Variants in NIM1K observed in about 807,000 individuals in gnomAD.
NIM1K encodes serine/threonine-protein kinase NIM1.
Under a neutral mutation model 37.1 loss-of-function variants are expected in NIM1K, and 35 were observed. That is an observed-to-expected ratio of 0.94 (90% CI 0.72 to 1.25). NIM1K has a LOEUF of 1.25. Among genes scored for constraint, NIM1K ranks in the 50% most tolerant of loss-of-function variants. The pLI is 0.00. For missense variants in NIM1K, 564 were observed against 548.0 expected (o/e 1.03, Z -0.29); for synonymous variants, 234 against 206.6 (o/e 1.13, Z -1.14).
chr5:43,232,668 C>T (rs923628664), intron 1 of NIM1K: 10 of 1,531,578 alleles, frequency 6.5e-6, no homozygotes, highest in African/African-American at 1.4e-5. Flanking sequence ...AAATGGAGAA[C>T]TGCAGCTTGG....
At chr5:43,236,837 G>A (rs1191348272) in intron 1 of NIM1K, among the ~76,000 whole-genome samples, 1 of 152,214 alleles carries the variant, frequency 6.6e-6, no homozygotes. Flanking sequence ...GTAGGGGAGA[G>A]GTGGTGTCAC....
rs535310749 is a variant in NIM1K at position 43,212,966 on chromosome 5, G to T, written c.-695+20555G>T. Among the ~76,000 whole-genome samples the T allele has an allele frequency of 1.8e-4, 28 of 152,266 alleles. 1 individual carries two copies. Among genetic ancestry groups the T allele is most frequent in the African/African-American group, 6.7e-4 (28 of 41,550 alleles). ...TCTGTGTTCGCCCAGGTGCAGAGTA[G>T]AATATGGGCTCCCATATGTGCCATT... On this transcript the variant is annotated intron_variant, in intron 1 of 3. Transcript: ENST00000326035.
chr5:43,231,023 A>G (rs1752531290), intron 1 of NIM1K, among the ~76,000 whole-genome samples: 2 of 152,232 alleles, frequency 1.3e-5, no homozygotes, highest in Non-Finnish European at 2.9e-5. Flanking sequence ...ATCAAAAAAT[A>G]TATTATTTTC....
intron 1 of NIM1K, among the ~76,000 whole-genome samples, chr5:43,197,900 AACTTGTAC>A (rs2112193162): frequency 6.6e-6 from 1 of 152,310 alleles, no homozygotes; most frequent in South Asian, 2.1e-4. Context: ...TCCTGGGGGT[AACTTGTAC>A]ACTTAAACAT....
intron 1 of NIM1K, chr5:43,231,882 TC>T (rs78014759): frequency 0.3 from 339,956 of 1,147,050 alleles, 53,520 homozygotes; most frequent in East Asian, 0.65. Context: ...ATAATCCTTC[TC>T]AAGGGCAGTC....
intron 1 of NIM1K, among the ~76,000 whole-genome samples, chr5:43,240,775 G>A (rs1267109416): frequency 4.6e-5 from 7 of 151,246 alleles, no homozygotes; most frequent in African/African-American, 1.7e-4. Context: ...GACCTCAAAT[G>A]ATCCACCCAC....
intron 2 of NIM1K, among the ~76,000 whole-genome samples, chr5:43,255,093 A>G (rs748372413): frequency 2.4e-4 from 36 of 152,190 alleles, no homozygotes; most frequent in Admixed American, 5.9e-4. Flanking sequence ...TGATATAGGA[A>G]TGGTCAGGTA....
chr5:43,275,003 C>T (rs1310896024), intron 2 of NIM1K, among the ~76,000 whole-genome samples: 1 of 152,184 alleles, frequency 6.6e-6, no homozygotes, highest in East Asian at 1.9e-4. Flanking sequence ...TGATGTTTCA[C>T]TTTGGAGTCA....
chr5:43,198,222 TTTCTTTCTTTC>T (rs1355276901), intron 1 of NIM1K, among the ~76,000 whole-genome samples: 1 of 123,716 alleles, frequency 8.1e-6, no homozygotes, highest in African/African-American at 3.0e-5. Flanking sequence ...TCTTTCTTTC[TTTCTTTCTTTC>T]TTTCTTTCTT....
Position 43,226,018 on chromosome 5 carries a change from C to T in NIM1K, c.-694-19064C>T, listed in dbSNP as rs553070769. Among the ~76,000 whole-genome samples, 9 of 152,254 alleles carry T rather than the reference C, an allele frequency of 5.9e-5. No individual in the cohort carries two copies. The Middle Eastern group carries it at 0.017, about 288-fold the overall frequency. ...TGAAAGAAGTATCACTGAAATGAGT[C>T]TTAAAGGAGCAGTAGGAATTTGCAG... On this transcript the variant is annotated intron_variant, in intron 1 of 3. Coordinates refer to ENST00000326035, the MANE Select transcript of NIM1K (RefSeq NM_153361.4).
chr5:43,209,502 C>A (rs1377074411), intron 1 of NIM1K, among the ~76,000 whole-genome samples: 1 of 151,516 alleles, frequency 6.6e-6, no homozygotes, highest in Admixed American at 6.6e-5. Context: ...CTTCATAGAA[C>A]AGTTGTTTGT....
intron 1 of NIM1K, among the ~76,000 whole-genome samples, chr5:43,240,767 C>T (rs1752688719): frequency 6.6e-6 from 1 of 151,772 alleles, no homozygotes; most frequent in African/African-American, 2.4e-5. Flanking sequence ...GAACTCCTGA[C>T]CTCAAATGAT....
intron 1 of NIM1K, among the ~76,000 whole-genome samples, chr5:43,223,850 G>A (rs944589628): frequency 3.3e-5 from 5 of 152,122 alleles, no homozygotes; most frequent in African/African-American, 1.2e-4. Flanking sequence ...GCAGATCAAT[G>A]GGCTCAGGAA....
intron 1 of NIM1K, among the ~76,000 whole-genome samples, chr5:43,229,440 A>G (rs1752506149): frequency 6.6e-6 from 1 of 151,876 alleles, no homozygotes; most frequent in African/African-American, 2.4e-5. Flanking sequence ...GGTATAAATA[A>G]TTGGAAATAC....
At chr5:43,275,375 T>C (rs1450737972) in intron 2 of NIM1K, among the ~76,000 whole-genome samples, 3 of 152,206 alleles carry the variant, frequency 2.0e-5, no homozygotes, top group Non-Finnish European at 2.9e-5. Flanking sequence ...CACAGAAGCC[T>C]TTTTACACAT....
intron 1 of NIM1K, chr5:43,207,319 A>G (rs1327152499): frequency 2.6e-6 from 2 of 767,348 alleles, no homozygotes; most frequent in African/African-American, 3.4e-5. Flanking sequence ...TAGTCAAACT[A>G]AAACCAAAGA....
At chr5:43,225,034 G>A (rs1377569676) in intron 1 of NIM1K, among the ~76,000 whole-genome samples, 1 of 151,932 alleles carries the variant, frequency 6.6e-6, no homozygotes. Context: ...CAAAAAGAGT[G>A]GGCTGATACA....
chr5:43,235,487 C>T (rs146504838), intron 1 of NIM1K, among the ~76,000 whole-genome samples: 1 of 152,278 alleles, frequency 6.6e-6, no homozygotes, highest in East Asian at 1.9e-4. Context: ...GGGTAGCTCC[C>T]ACCTCATCTG....
chr5:43,250,748 A>G (rs1277948410), intron 2 of NIM1K, among the ~76,000 whole-genome samples: 1 of 152,256 alleles, frequency 6.6e-6, no homozygotes, highest in African/African-American at 2.4e-5. Flanking sequence ...AATTTAGAAA[A>G]AAGTGTCCAA....
Sources: allele counts gnomAD v4.1 joint callset (sites outside exome capture counted in the v4.1 genomes callset), GRCh38; gene constraint gnomAD v4.1.1; transcripts MANE v1.5; gene names NCBI Gene and HGNC (gene_info 2026-07-23, HGNC 2026-07-21).